Variants in GPD2 observed in about 807,000 individuals in gnomAD.
GPD2 encodes the protein glycerol-3-phosphate dehydrogenase 2.
In GPD2, 54 loss-of-function variants were observed where a neutral mutation model predicts 82.4. The ratio of observed to expected loss-of-function variants is 0.66; its 90% CI spans 0.53 to 0.82. The LOEUF (loss-of-function observed/expected upper bound fraction) is 0.82. Among genes scored for constraint, GPD2 ranks in the 40% least tolerant of loss-of-function variants. GPD2 has a pLI of 0.00. For synonymous variants in GPD2, 288 were observed against 306.1 expected (o/e 0.94, Z 0.62); for missense variants, 748 against 896.2 (o/e 0.83, Z 2.11).
chr2:156,573,604 T>C (rs1429335696), intron 13 of GPD2, among the ~76,000 whole-genome samples: 1 of 152,182 alleles, frequency 6.6e-6, no homozygotes, highest in African/African-American at 2.4e-5. Flanking sequence ...TTCTGTAAAC[T>C]GGTTGTGTTT....
At chr2:156,510,533 T>G (rs538346888) in intron 3 of GPD2, among the ~76,000 whole-genome samples, 28 of 152,344 alleles carry the variant, frequency 1.8e-4, no homozygotes, top group Non-Finnish European at 4.0e-4. Context: ...AGTATGTTAC[T>G]GCCATGAAAT....
At chr2:156,463,188 G>A (rs998714919) in intron 1 of GPD2, among the ~76,000 whole-genome samples, 1 of 152,146 alleles carries the variant, frequency 6.6e-6, no homozygotes, top group Non-Finnish European at 1.5e-5. Flanking sequence ...GCTGTAAGTC[G>A]TCAATAATTG....
intron 2 of GPD2, among the ~76,000 whole-genome samples, chr2:156,483,770 C>G (rs1683824411): frequency 6.6e-6 from 1 of 152,176 alleles, no homozygotes; most frequent in Non-Finnish European, 1.5e-5. Flanking sequence ...AACATTCCAC[C>G]TTAGCATTGC....
the GPD2 span, among the ~76,000 whole-genome samples, chr2:156,408,904 A>G: frequency 6.6e-6 from 1 of 152,132 alleles, no homozygotes; most frequent in African/African-American, 2.4e-5. Context: ...ATATGACCTT[A>G]TTTGGAAACA....
the GPD2 span, among the ~76,000 whole-genome samples, chr2:156,416,012 C>G: frequency 6.9e-6 from 1 of 145,302 alleles, no homozygotes; most frequent in East Asian, 2.0e-4. Context: ...CAGAGCGAGA[C>G]TCCGTCTCAA....
chr2:156,414,790 C>T, the GPD2 span, among the ~76,000 whole-genome samples: 1 of 152,104 alleles, frequency 6.6e-6, no homozygotes, highest in East Asian at 1.9e-4. Flanking sequence ...TTCCCATTTA[C>T]ATTTTTCAAA....
chr2:156,476,134 C>T lies in GPD2; in HGVS notation c.29C>T (p.Thr10Met), dbSNP rs553714328. Residue 10 changes from threonine (T) to methionine (M), a missense_variant, in exon 2 of 17, where the codon ACG (threonine) becomes ATG (methionine). Physicochemically the swap from Thr to Met is moderately conservative, Grantham distance 81 (BLOSUM62 -1). Coordinates refer to ENST00000438166, the MANE Select transcript of GPD2 (RefSeq NM_000408.5). MAFQKAVKG[T>M]ILVGGGALAT... ...GCATTTCAAAAGGCAGTGAAAGGGA[C>T]GATTCTTGTTGGAGGAGGTGCTCTT... 29 of 1,608,844 alleles carry T rather than the reference C, an allele frequency of 1.8e-5. No homozygotes were observed. The highest frequency in any genetic ancestry group is 1.2e-4 in the Admixed American group (7 of 60,012).
upstream of GPD2, among the ~76,000 whole-genome samples, chr2:156,434,390 C>A (rs1304352779): frequency 6.6e-6 from 1 of 152,188 alleles, no homozygotes; most frequent in Non-Finnish European, 1.5e-5. Context: ...GCGTGACCCA[C>A]TGCGCCTGCC....
intron 9 of GPD2, among the ~76,000 whole-genome samples, chr2:156,568,351 A>G (rs1026439729): frequency 2.0e-5 from 3 of 152,110 alleles, no homozygotes; most frequent in Non-Finnish European, 2.9e-5. Context: ...GGTATTGATG[A>G]GGGGAGAAAA....
intron 3 of GPD2, among the ~76,000 whole-genome samples, chr2:156,503,762 C>T (rs577224194): frequency 2.6e-5 from 4 of 152,206 alleles, no homozygotes; most frequent in East Asian, 1.9e-4. Flanking sequence ...ATATATAAGA[C>T]AGTTTTAATA....
chr2:156,540,276 C>G (rs1686255439), intron 6 of GPD2, among the ~76,000 whole-genome samples: 1 of 152,236 alleles, frequency 6.6e-6, no homozygotes, highest in Non-Finnish European at 1.5e-5. Context: ...TGGGATGGTA[C>G]TGCTATCATT....
At chr2:156,481,362 T>C (rs1683723977) in intron 2 of GPD2, among the ~76,000 whole-genome samples, 1 of 152,166 alleles carries the variant, frequency 6.6e-6, no homozygotes, top group South Asian at 2.1e-4. Flanking sequence ...TAAATTATTG[T>C]TAACCATATT....
chr2:156,404,584 T>C, the GPD2 span, among the ~76,000 whole-genome samples: 2 of 148,574 alleles, frequency 1.3e-5, no homozygotes, highest in Non-Finnish European at 3.0e-5. Context: ...CTCACCCCTA[T>C]AATCCCAGCA....
At chr2:156,441,755 G>A (rs537544156) in intron 1 of GPD2, among the ~76,000 whole-genome samples, 29 of 152,192 alleles carry the variant, frequency 1.9e-4, no homozygotes, top group Admixed American at 4.6e-4. Flanking sequence ...TTACCCTGTG[G>A]CGTCTGCACA....
chr2:156,521,372 A>C (rs1685401304), intron 6 of GPD2, among the ~76,000 whole-genome samples: 1 of 152,256 alleles, frequency 6.6e-6, no homozygotes, highest in African/African-American at 2.4e-5. Flanking sequence ...TTACAAACTT[A>C]ACTGCACTTT....
At chr2:156,406,701 A>G in the GPD2 span, among the ~76,000 whole-genome samples, 1 of 152,180 alleles carries the variant, frequency 6.6e-6, no homozygotes, top group East Asian at 1.9e-4. Flanking sequence ...GTGAGTGGGA[A>G]TTCTTTACCT....
intron 2 of GPD2, among the ~76,000 whole-genome samples, chr2:156,480,863 C>T (rs1259744342): frequency 2.0e-5 from 3 of 150,824 alleles, no homozygotes; most frequent in African/African-American, 7.3e-5. Flanking sequence ...ATTGCAACCT[C>T]TGCCTCCTGG....
chr2:156,572,160 C>T (rs1460063791), intron 13 of GPD2, among the ~76,000 whole-genome samples: 6 of 152,064 alleles, frequency 3.9e-5, no homozygotes, highest in African/African-American at 1.4e-4. Context: ...TTTACCTTCC[C>T]AAAACTACTA....
intron 6 of GPD2, among the ~76,000 whole-genome samples, chr2:156,523,016 T>C (rs1269004967): frequency 6.6e-6 from 1 of 152,020 alleles, no homozygotes; most frequent in Non-Finnish European, 1.5e-5. Context: ...CTCCCATACA[T>C]GTTTAGACTC....
Sources: gnomAD v4.1 joint callset for allele counts (sites outside exome capture counted in the v4.1 genomes callset) on GRCh38, gnomAD v4.1.1 for gene constraint, MANE v1.5 for transcripts, NCBI Gene and HGNC (gene_info 2026-07-23, HGNC 2026-07-21) for gene names.